Variants in ATOSA observed in about 807,000 individuals in gnomAD.
ATOSA encodes the protein atos homolog protein A.
At chr15:52,678,236 C>T in the ATOSA span, 1 of 625,816 alleles carries the variant, frequency 1.6e-6, no homozygotes, top group South Asian at 1.9e-5. Context: ...ACAGCACCCT[C>T]GGCTGGTCTG....
chr15:52,702,223 CTT>C, the ATOSA span, among the ~76,000 whole-genome samples: 2 of 152,142 alleles, frequency 1.3e-5, no homozygotes, highest in Admixed American at 6.6e-5. Flanking sequence ...TATCAAAGAA[CTT>C]AGAACTACCA....
chr15:52,666,708 T>C, the ATOSA span, among the ~76,000 whole-genome samples: 19 of 152,210 alleles, frequency 1.2e-4, no homozygotes, highest in African/African-American at 4.6e-4. Flanking sequence ...GAAGAGCCAC[T>C]AAATGCCAGG....
At chr15:52,662,907 G>A in the ATOSA span, among the ~76,000 whole-genome samples, 2 of 151,920 alleles carry the variant, frequency 1.3e-5, no homozygotes, top group Non-Finnish European at 2.9e-5. Context: ...AATAAATGGA[G>A]AAGAAAAAGA....
At chr15:52,668,633 A>G in the ATOSA span, among the ~76,000 whole-genome samples, 1 of 152,230 alleles carries the variant, frequency 6.6e-6, no homozygotes, top group African/African-American at 2.4e-5. Flanking sequence ...TTATTTACAC[A>G]ACATATATAT....
the ATOSA span, chr15:52,601,178 C>T: frequency 8.0e-6 from 12 of 1,495,984 alleles, no homozygotes; most frequent in East Asian, 5.0e-5. Context: ...AAGGTCAAAA[C>T]GATCATTTGT....
chr15:52,594,609 C>T, the ATOSA span, among the ~76,000 whole-genome samples: 157 of 152,212 alleles, frequency 1.0e-3, 4 homozygotes, highest in Middle Eastern at 0.014. Flanking sequence ...AAAGATAAAG[C>T]CAAAAGACCT....
At chr15:52,620,229 A>G in the ATOSA span, among the ~76,000 whole-genome samples, 3 of 152,238 alleles carry the variant, frequency 2.0e-5, no homozygotes, top group Non-Finnish European at 2.9e-5. Context: ...GTGTTCAAGC[A>G]AAGTTTGATA....
the ATOSA span, among the ~76,000 whole-genome samples, chr15:52,653,294 A>G: frequency 8.5e-5 from 13 of 152,244 alleles, 1 homozygote; most frequent in Admixed American, 8.5e-4. Flanking sequence ...CACAAATAGC[A>G]TGCAATTTCA....
chr15:52,658,642 T>A, the ATOSA span: 1 of 396,622 alleles, frequency 2.5e-6, no homozygotes. Flanking sequence ...CCATTCAAAC[T>A]CAAAATATAG....
chr15:52,707,797 G>A, the ATOSA span, among the ~76,000 whole-genome samples: 1 of 152,198 alleles, frequency 6.6e-6, no homozygotes. Context: ...AGAGAAGGAA[G>A]AAGAGAGAGG....
chr15:52,704,789 C>G, the ATOSA span, among the ~76,000 whole-genome samples: 1 of 152,188 alleles, frequency 6.6e-6, no homozygotes, highest in Non-Finnish European at 1.5e-5. Flanking sequence ...AAATGCAAAT[C>G]AAAACCACAG....
At chr15:52,582,483 A>G in the ATOSA span, among the ~76,000 whole-genome samples, 1 of 152,364 alleles carries the variant, frequency 6.6e-6, no homozygotes, top group African/African-American at 2.4e-5. Context: ...TTTTATTTAA[A>G]TGCTGCTCTC....
At chr15:52,678,796 G>A in the ATOSA span, 86,116 of 152,756 alleles carry the variant, frequency 0.56, 28,378 homozygotes, top group Non-Finnish European at 0.74. Flanking sequence ...CCGTCCCGCC[G>A]CGGCCCCGGA....
At chr15:52,634,404 A>G in the ATOSA span, among the ~76,000 whole-genome samples, 2 of 152,164 alleles carry the variant, frequency 1.3e-5, no homozygotes, top group Non-Finnish European at 2.9e-5. Context: ...GAAAAAAGAA[A>G]AAGAGTGAAA....
the ATOSA span, chr15:52,601,104 T>C: frequency 3.2e-6 from 5 of 1,539,118 alleles, no homozygotes; most frequent in African/African-American, 5.5e-5. Context: ...TGAGAAGCTT[T>C]TCAGATGTAG....
chr15:52,593,670 C>G, the ATOSA span: 1 of 1,559,500 alleles, frequency 6.4e-7, no homozygotes, highest in Non-Finnish European at 8.7e-7. Context: ...GCACCACTTG[C>G]CCCTACCTCG....
chr15:52,590,051 G>T, the ATOSA span, among the ~76,000 whole-genome samples: 1 of 152,106 alleles, frequency 6.6e-6, no homozygotes, highest in Admixed American at 6.6e-5. Flanking sequence ...GCCTCCCAAA[G>T]TGCTGGGATT....
chr15:52,706,246 G>T, the ATOSA span, among the ~76,000 whole-genome samples: 1 of 152,152 alleles, frequency 6.6e-6, no homozygotes, highest in East Asian at 1.9e-4. Context: ...ACCAGTGAAC[G>T]CAATGTTCTC....
the ATOSA span, chr15:52,610,474 A>G: frequency 7.2e-7 from 1 of 1,384,182 alleles, no homozygotes; most frequent in South Asian, 1.5e-5. Context: ...GCAGTCATAC[A>G]CTTATTTTTG....
Sources: allele counts gnomAD v4.1 joint callset (sites outside exome capture counted in the v4.1 genomes callset), GRCh38; gene constraint gnomAD v4.1.1; transcripts MANE v1.5; gene names NCBI Gene and HGNC (gene_info 2026-07-23, HGNC 2026-07-21).